Variants in EPG5 observed in about 807,000 individuals in gnomAD.
EPG5 encodes the protein ectopic P-granules 5 autophagy tethering factor, also known as ectopic P granules protein 5 homolog.
Under a neutral mutation model 302.7 loss-of-function variants are expected in EPG5, and 159 were observed. The ratio of observed to expected loss-of-function variants is 0.53; its 90% CI spans 0.46 to 0.60. The LOEUF (loss-of-function observed/expected upper bound fraction) is 0.60, where lower values mean the gene tolerates loss of function less well. Ranked by LOEUF, EPG5 falls within the 20% of genes least tolerant of loss-of-function variation. The probability of loss-of-function intolerance (pLI) is 0.00; values close to 1 mark genes in which losing one functional copy is unlikely to be tolerated. For missense variants in EPG5, 2,896 were observed against 3,092.4 expected, an observed-to-expected ratio of 0.94 and a Z score of 1.51; for synonymous variants, 1,158 against 1,136.8, an observed-to-expected ratio of 1.02 and a Z score of -0.37.
chr18:45,881,820 C>G (rs1207795725), intron 31 of EPG5, among the ~76,000 whole-genome samples: 1 of 151,878 alleles, frequency 6.6e-6, no homozygotes, highest in Non-Finnish European at 1.5e-5. Flanking sequence ...AATTAATTTG[C>G]AAAAAACAAG....
downstream of EPG5, among the ~76,000 whole-genome samples, chr18:45,844,259 G>A (rs2048348116): frequency 6.6e-6 from 1 of 152,126 alleles, no homozygotes; most frequent in Non-Finnish European, 1.5e-5. Context: ...GTTACCAGGG[G>A]CTGGGAAGGA....
intron 14 of EPG5, among the ~76,000 whole-genome samples, chr18:45,924,392 T>C (rs58596622): frequency 3.9e-4 from 60 of 152,284 alleles, no homozygotes; most frequent in African/African-American, 1.3e-3. Flanking sequence ...CAGATGAATC[T>C]ATGGGCAGTC....
Position 45,858,035 on chromosome 18 carries a change from C to T in EPG5, c.7260G>A (p.Trp2420Ter). Residue 2420 changes from tryptophan (W) to a stop codon, truncating the protein, a stop_gained, in exon 42 of 44, where the codon TGG becomes TGA. Coordinates refer to ENST00000282041, the MANE Select transcript of EPG5 (RefSeq NM_020964.3). LOFTEE classifies it high-confidence loss of function. ...SVEEEAKLFL[W>*]WHQVLQLSLI... ...GGGAGAGCTGAAGGACTTGGTGCCACCACAAAAACAGCTTTGCCTCTTCCT... is the reference window on the plus strand; with the variant it reads ...GGGAGAGCTGAAGGACTTGGTGCCATCACAAAAACAGCTTTGCCTCTTCCT... The T allele has an allele frequency of 6.2e-7, 1 of 1,613,724 alleles. No homozygotes were observed. The highest frequency in any genetic ancestry group is 8.5e-7 in the Non-Finnish European group (1 of 1,179,830).
chr18:45,826,544 G>A, the EPG5 span, among the ~76,000 whole-genome samples: 1 of 152,158 alleles, frequency 6.6e-6, no homozygotes, highest in Admixed American at 6.5e-5. Context: ...GCATTTGAGG[G>A]CACCTGGGAT....
At chr18:45,929,144 G>T in intron 12 of EPG5, 135 bp from the exon 13 acceptor site, 1 of 893,014 alleles carries the variant, frequency 1.1e-6, no homozygotes, top group Non-Finnish European at 1.7e-6. Flanking sequence ...TCCAAAAAAT[G>T]TTAAAACTTC....
chr18:45,845,620 G>A (rs945322886), downstream of EPG5, among the ~76,000 whole-genome samples: 3 of 152,242 alleles, frequency 2.0e-5, no homozygotes, highest in African/African-American at 7.2e-5. Context: ...AGTCAGCATG[G>A]TGTCCTGCGG....
chr18:45,837,808 C>A, the EPG5 span: 2 of 1,526,430 alleles, frequency 1.3e-6, no homozygotes, highest in Non-Finnish European at 1.7e-6. Context: ...CCCTGGCTGA[C>A]GACCGCCGCT....
At chr18:45,861,883 A>G (rs868564638) in intron 39 of EPG5, among the ~76,000 whole-genome samples, 1 of 152,176 alleles carries the variant, frequency 6.6e-6, no homozygotes, top group Non-Finnish European at 1.5e-5. Context: ...ATTATAATTA[A>G]TTACTGATGT....
In EPG5 at chr18:45,850,438, C is replaced by G. The variant is rs992490548; in HGVS notation, c.*2029G>C. On this transcript the variant is annotated 3_prime_UTR_variant, in exon 44 of 44. Coordinates refer to ENST00000282041, the MANE Select transcript of EPG5 (RefSeq NM_020964.3). The stretch of plus-strand genomic sequence containing the variant: ...AGCACGTTCCTAGCCCAGAGTTTCC[C>G]ATAGACACCTAGGAGTTGAGTCAAC... 4 of 152,178 alleles carry G rather than the reference C, an allele frequency of 2.6e-5. No homozygotes were observed. Among genetic ancestry groups the G allele is most frequent in the Non-Finnish European group, 4.4e-5 (3 of 68,026 alleles). 9.4% of individuals were successfully genotyped at this position (152,178 alleles called of 1,614,324 possible). A position where few individuals can be genotyped will look rare whatever the true frequency, so the allele number is the denominator to read the frequency against.
the EPG5 span, chr18:45,840,385 CCCA>C: frequency 1.1e-6 from 1 of 902,488 alleles, no homozygotes; most frequent in Non-Finnish European, 1.6e-6. Context: ...TTCCTTGCAG[CCCA>C]CCAAGGCACC....
the EPG5 span, chr18:45,839,140 G>A: frequency 1.5e-6 from 2 of 1,354,456 alleles, 1 homozygote; most frequent in East Asian, 6.2e-5. Flanking sequence ...GCCGGGCCGG[G>A]GCTCTCTGCT....
At position 45,952,497 on chromosome 18, in the gene EPG5, A is replaced by G. The variant is rs760051852; in HGVS notation, c.1155T>C (p.Thr385=). ...LHQTLALHSY[T]SVLSRLQVES... ...CCACTTGCAATCTTGAGAGCACAGA[A>G]GTATAAGAATGAAGGGCCAGGGTCT... is the stretch of plus-strand genomic sequence containing the variant. Residue 385 remains threonine, a synonymous_variant, in exon 3 of 44, where the codon ACT becomes ACC. Coordinates refer to ENST00000282041, the MANE Select transcript of EPG5 (RefSeq NM_020964.3). 6.2e-7 allele frequency: 1 copy of G among 1,614,234 alleles called. No individual in the cohort carries two copies. The highest frequency in any genetic ancestry group is 1.1e-5 in the South Asian group (1 of 91,086).
At chr18:45,824,804 C>T in the EPG5 span, among the ~76,000 whole-genome samples, 1 of 151,952 alleles carries the variant, frequency 6.6e-6, no homozygotes, top group Non-Finnish European at 1.5e-5. Context: ...AGCTGGGGGA[C>T]AAGAGGAGGC....
chr18:45,859,188 C>T (rs189340092), intron 40 of EPG5, among the ~76,000 whole-genome samples: 3 of 152,340 alleles, frequency 2.0e-5, no homozygotes, highest in East Asian at 3.9e-4. Flanking sequence ...TGCTTTCCGA[C>T]GGGAAACTGT....
chr18:45,937,275 CACAT>C (rs1162090127), intron 10 of EPG5, among the ~76,000 whole-genome samples: 2,367 of 138,852 alleles, frequency 0.017, 54 homozygotes, highest in African/African-American at 0.063. Flanking sequence ...CACACACACA[CACAT>C]ATGTATACAC....
intron 30 of EPG5, among the ~76,000 whole-genome samples, chr18:45,883,620 T>G (rs1405771372): frequency 1.9e-5 from 2 of 105,828 alleles, no homozygotes; most frequent in East Asian, 2.7e-4. Context: ...TGGTGTTTTT[T>G]TTTTTTTTTT....
chr18:45,950,340 G>C (rs565059342), intron 4 of EPG5, among the ~76,000 whole-genome samples: 165 of 152,140 alleles, frequency 1.1e-3, no homozygotes, highest in African/African-American at 3.9e-3. Flanking sequence ...CTCCATTGTG[G>C]GAGAGACCCA....
chr18:45,874,081 G>A (rs983500910), intron 35 of EPG5, among the ~76,000 whole-genome samples: 1 of 152,142 alleles, frequency 6.6e-6, no homozygotes, highest in Non-Finnish European at 1.5e-5. Flanking sequence ...CCACAATGGT[G>A]GGCACATGTT....
chr18:45,857,023 A>G (rs2048529632), intron 42 of EPG5, among the ~76,000 whole-genome samples: 1 of 152,004 alleles, frequency 6.6e-6, no homozygotes, highest in African/African-American at 2.4e-5. Context: ...GGTTTAAGCA[A>G]TTCTCCTGCC....
Sources: gnomAD v4.1 joint callset for allele counts (sites outside exome capture counted in the v4.1 genomes callset) on GRCh38, gnomAD v4.1.1 for gene constraint, MANE v1.5 for transcripts, NCBI Gene and HGNC (gene_info 2026-07-23, HGNC 2026-07-21) for gene names.